The following IL1RAPL1 variants were observed in gnomAD, a reference collection of about 807,000 sequenced individuals.
The protein encoded by IL1RAPL1 is interleukin-1 receptor accessory protein-like 1.
Under a neutral mutation model 48.4 loss-of-function variants are expected in IL1RAPL1, and 3 were observed. The ratio of observed to expected loss-of-function variants is 0.06; its 90% CI spans 0.03 to 0.16. IL1RAPL1 has a LOEUF of 0.16. Ranked by LOEUF, IL1RAPL1 falls within the 10% of genes least tolerant of loss-of-function variation. The pLI is 1.00. For missense variants in IL1RAPL1, 349 were observed against 530.6 expected (o/e 0.66, Z 3.36); for synonymous variants, 185 against 187.7 (o/e 0.99, Z 0.12).
chrX:29,806,227 G>GCACA (rs773510388), intron 6 of IL1RAPL1, among the ~76,000 whole-genome samples: 5 of 111,061 alleles, frequency 4.5e-5, no homozygotes, highest in Admixed American at 1.9e-4. Context: ...GTGCACGCGT[G>GCACA]CACACACACA....
At chrX:29,007,927 G>A (rs1321547515) in intron 2 of IL1RAPL1, among the ~76,000 whole-genome samples, 1 of 111,796 alleles carries the variant, frequency 8.9e-6, no homozygotes, top group East Asian at 2.8e-4. Context: ...TTATTTGAAT[G>A]TATTACATTC....
chrX:28,952,277 T>G (rs1924489969), intron 2 of IL1RAPL1, among the ~76,000 whole-genome samples: 1 of 110,975 alleles, frequency 9.0e-6, no homozygotes, highest in Non-Finnish European at 1.9e-5. Flanking sequence ...GCTTGATGTA[T>G]ATTTAAAAAC....
intron 5 of IL1RAPL1, among the ~76,000 whole-genome samples, chrX:29,419,596 C>G (rs1253873347): frequency 8.9e-6 from 1 of 112,075 alleles, no homozygotes; most frequent in African/African-American, 3.2e-5. Context: ...GCTGGGATTA[C>G]AGGCATGAGC....
Position 28,612,896 on chromosome X carries a change from T to C in IL1RAPL1, c.-25+24849T>C, listed in dbSNP as rs150517352. ...TTCAGTGGGGAGAAATTGAACCATA[T>C]ATTAGTTAAAATTAGAACCTGGAAA... On this transcript the variant is annotated intron_variant, in intron 1 of 10. Transcript: ENST00000378993. Among the ~76,000 whole-genome samples the C allele has an allele frequency of 2.2e-3, 248 of 112,016 alleles. 3 individuals carry two copies. The highest frequency in any genetic ancestry group is 7.7e-3 in the African/African-American group (238 of 30,853).
chrX:29,955,168 A>C lies in IL1RAPL1; in HGVS notation c.1439A>C (p.Asn480Thr). ...SKRLIIVMTPNYVVRRGWSIF... is the reference protein window; with the variant it reads ...SKRLIIVMTPTYVVRRGWSIF... ...CGGCTGATTATTGTCATGACCCCAA[A>C]TTACGTAGTTAGAAGGGGCTGGAGC... Residue 480 changes from asparagine (N) to threonine (T), a missense_variant, in exon 11 of 11, where the codon AAT becomes ACT. Coordinates refer to ENST00000378993, the MANE Select transcript of IL1RAPL1 (RefSeq NM_014271.4). The C allele has an allele frequency of 1.7e-6, 2 of 1,211,094 alleles. No individual in the cohort carries two copies. The highest frequency in any genetic ancestry group is 4.6e-4 in the Middle Eastern group (2 of 4,353).
chrX:28,850,057 C>A, intron 2 of IL1RAPL1, among the ~76,000 whole-genome samples: 1 of 111,964 alleles, frequency 8.9e-6, no homozygotes, highest in Non-Finnish European at 1.9e-5. Context: ...CAATTGAAAT[C>A]TTTTGTTAAT....
chrX:29,841,785 A>G lies in IL1RAPL1; in HGVS notation c.779-75679A>G, dbSNP rs192299691. Among the ~76,000 whole-genome samples the G allele has an allele frequency of 3.6e-5, 4 of 111,787 alleles. No individual in the cohort carries two copies. In the Admixed American group the frequency reaches 3.8e-4, roughly 11 times the overall value. On this transcript the variant is annotated intron_variant, in intron 6 of 10. Transcript: ENST00000378993. ...ACATAGAAGGAGCTGAGAATGCAGA[A>G]TGATGTAACAGGGCTTTCCAAGGTT...
intron 1 of IL1RAPL1, among the ~76,000 whole-genome samples, chrX:28,708,852 A>C (rs1177930511): frequency 9.0e-6 from 1 of 111,325 alleles, no homozygotes; most frequent in Non-Finnish European, 1.9e-5. Flanking sequence ...AAGGGTACAA[A>C]TATACAGTAA....
intron 6 of IL1RAPL1, among the ~76,000 whole-genome samples, chrX:29,911,528 CAG>C (rs1391360780): frequency 3.6e-5 from 4 of 111,976 alleles, no homozygotes; most frequent in Middle Eastern, 4.2e-3. Context: ...ATTTTATAGA[CAG>C]TAGCATCTGG....
chrX:28,680,161 GA>G (rs1935043263), intron 1 of IL1RAPL1, among the ~76,000 whole-genome samples: 1 of 110,818 alleles, frequency 9.0e-6, no homozygotes, highest in Non-Finnish European at 1.9e-5. Flanking sequence ...ATTTTCAGTG[GA>G]AAAATCTTTC....
chrX:28,786,446 CAGAG>C (rs368610288), intron 1 of IL1RAPL1, among the ~76,000 whole-genome samples: 166 of 111,670 alleles, frequency 1.5e-3, no homozygotes, highest in African/African-American at 5.0e-3. Context: ...GCCTGAACGA[CAGAG>C]AGAGACTCTG....
chrX:29,471,387 A>G (rs182778687), intron 5 of IL1RAPL1, among the ~76,000 whole-genome samples: 3 of 111,437 alleles, frequency 2.7e-5, no homozygotes, highest in Non-Finnish European at 1.9e-5. Flanking sequence ...GGCAATTGAC[A>G]TTGTCAGGGT....
rs1251439962 is a variant in IL1RAPL1, at chrX:28,768,753, CTCTA to C, written c.-24-20565_-24-20562del. 2.9e-3 allele frequency among the ~76,000 whole-genome samples: 155 copies of C among 53,569 alleles called. 1 individual carries two copies. The highest frequency in any genetic ancestry group is 0.011 in the African/African-American group (135 of 11,934). The allele number at this position is 53,569 out of a possible 115,157, so 46.5% of individuals were successfully genotyped here. On this transcript the variant is annotated intron_variant, in intron 1 of 10. Transcript: ENST00000378993. ...TGTCTCTCTCTCTCTCTCTCTCTCT[CTCTA>C]TATATATATATATATATATATACAC...
intron 6 of IL1RAPL1, among the ~76,000 whole-genome samples, chrX:29,759,539 T>C (rs982376062): frequency 4.5e-5 from 5 of 111,851 alleles, no homozygotes; most frequent in Admixed American, 9.5e-5. Context: ...AAAGCACTTG[T>C]AGTAGTTTCT....
intron 2 of IL1RAPL1, among the ~76,000 whole-genome samples, chrX:28,932,094 A>C (rs1348398453): frequency 2.7e-5 from 3 of 110,955 alleles, no homozygotes; most frequent in Non-Finnish European, 5.7e-5. Context: ...TTAGGTTTGC[A>C]TATATGAGCA....
intron 1 of IL1RAPL1, among the ~76,000 whole-genome samples, chrX:28,591,892 T>C (rs1933911215): frequency 8.9e-6 from 1 of 111,826 alleles, no homozygotes; most frequent in African/African-American, 3.2e-5. Flanking sequence ...AAGGAGATAA[T>C]ATGTGTCTAA....
chrX:28,756,535 T>A (rs1936106842), intron 1 of IL1RAPL1, among the ~76,000 whole-genome samples: 1 of 111,866 alleles, frequency 8.9e-6, no homozygotes, highest in Non-Finnish European at 1.9e-5. Flanking sequence ...TTGTCACCTC[T>A]CTTGTTAAAA....
At chrX:29,675,474 T>G (rs1427687934) in intron 6 of IL1RAPL1, among the ~76,000 whole-genome samples, 1 of 112,631 alleles carries the variant, frequency 8.9e-6, no homozygotes, top group Non-Finnish European at 1.9e-5. Flanking sequence ...AGAGTACTAT[T>G]TTATTTGTTA....
intron 6 of IL1RAPL1, among the ~76,000 whole-genome samples, chrX:29,850,507 G>T (rs948604494): frequency 8.9e-6 from 1 of 112,423 alleles, no homozygotes; most frequent in East Asian, 2.8e-4. Flanking sequence ...AAGAACATGT[G>T]ATTCCCGGAT....
Sources: gnomAD v4.1 joint callset for allele counts (sites outside exome capture counted in the v4.1 genomes callset) on GRCh38, gnomAD v4.1.1 for gene constraint, MANE v1.5 for transcripts, NCBI Gene and HGNC (gene_info 2026-07-23, HGNC 2026-07-21) for gene names.